WWOX: variants seen among roughly 807,000 people sequenced by gnomAD.
WWOX encodes WW domain containing oxidoreductase.
In WWOX, 69 loss-of-function variants were observed where a neutral mutation model predicts 46.2. The observed-to-expected ratio is 1.49, with a 90% CI of 1.23 to 1.82. The LOEUF (loss-of-function observed/expected upper bound fraction) is 1.82, where lower values mean the gene tolerates loss of function less well. Ranked by LOEUF, WWOX falls within the 40% of genes most tolerant of loss-of-function variation. WWOX has a pLI of 0.00. For synonymous variants in WWOX, 359 were observed against 202.6 expected (o/e 1.77, Z -6.56); for missense variants, 919 against 542.6 (o/e 1.69, Z -6.89).
chr16:78,447,682 A>G (rs1276472773), intron 8 of WWOX, among the ~76,000 whole-genome samples: 1 of 152,258 alleles, frequency 6.6e-6, no homozygotes, highest in Non-Finnish European at 1.5e-5. Flanking sequence ...GAAACCATGC[A>G]GGATTCCATT....
At chr16:78,584,649 A>T (rs536604849) in intron 8 of WWOX, among the ~76,000 whole-genome samples, 246 of 152,310 alleles carry the variant, frequency 1.6e-3, no homozygotes, top group African/African-American at 5.8e-3. Flanking sequence ...GTTCTATGAT[A>T]CCACTTGTGT....
chr16:78,681,854 G>A (rs759552978), intron 8 of WWOX, among the ~76,000 whole-genome samples: 4 of 152,184 alleles, frequency 2.6e-5, no homozygotes, highest in Non-Finnish European at 5.9e-5. Context: ...AGACTCCGCT[G>A]GAGAGCTGGT....
chr16:78,986,936 C>T (rs528292265), intron 8 of WWOX, among the ~76,000 whole-genome samples: 7 of 152,148 alleles, frequency 4.6e-5, no homozygotes, highest in Admixed American at 2.0e-4. Context: ...ATTTCAAGGT[C>T]ATGCTACAAA....
chr16:79,091,775 C>CTTTTTTTTTTTT (rs771753213), intron 8 of WWOX, among the ~76,000 whole-genome samples: 8 of 126,846 alleles, frequency 6.3e-5, no homozygotes, highest in Non-Finnish European at 8.1e-5. Flanking sequence ...CTTTTCTTTT[C>CTTTTTTTTTTTT]TTTGTTTTTT....
intron 8 of WWOX, among the ~76,000 whole-genome samples, chr16:78,627,826 A>G (rs957019136): frequency 7.9e-5 from 12 of 152,222 alleles, no homozygotes; most frequent in Non-Finnish European, 1.8e-4. Context: ...CTCTGACAAG[A>G]TGATGCCGAC....
intron 8 of WWOX, among the ~76,000 whole-genome samples, chr16:78,464,607 C>T (rs1478989155): frequency 6.6e-6 from 1 of 152,162 alleles, no homozygotes; most frequent in African/African-American, 2.4e-5. Flanking sequence ...ATGTCAGAAG[C>T]AAGTCAGGAT....
chr16:79,123,602 G>A (rs1194549987), intron 8 of WWOX, among the ~76,000 whole-genome samples: 1 of 152,088 alleles, frequency 6.6e-6, no homozygotes, highest in Non-Finnish European at 1.5e-5. Context: ...ACAGGCAGTA[G>A]TAGAGCCAGC....
At chr16:78,645,971 G>T (rs1036916374) in intron 8 of WWOX, among the ~76,000 whole-genome samples, 10 of 151,958 alleles carry the variant, frequency 6.6e-5, no homozygotes, top group African/African-American at 2.4e-4. Context: ...TCTGTCCCTG[G>T]CTCTGCTCCT....
intron 8 of WWOX, among the ~76,000 whole-genome samples, chr16:79,071,971 C>T (rs889061262): frequency 4.6e-5 from 7 of 152,134 alleles, no homozygotes; most frequent in African/African-American, 1.7e-4. Flanking sequence ...TTTACTCGTT[C>T]TTTTTTGTAT....
chr16:78,978,283 A>T (rs1000449688), intron 8 of WWOX, among the ~76,000 whole-genome samples: 11 of 152,226 alleles, frequency 7.2e-5, no homozygotes, highest in African/African-American at 2.7e-4. Flanking sequence ...TGCTCTTGTG[A>T]ATCCATGCTG....
At chr16:78,671,288 G>A (rs2142203568) in intron 8 of WWOX, among the ~76,000 whole-genome samples, 1 of 152,240 alleles carries the variant, frequency 6.6e-6, no homozygotes, top group Non-Finnish European at 1.5e-5. Flanking sequence ...AGCCGGGTGT[G>A]GTGGGGCATG....
chr16:78,495,461 G>T (rs1359379417), intron 8 of WWOX, among the ~76,000 whole-genome samples: 1 of 148,546 alleles, frequency 6.7e-6, no homozygotes, highest in African/African-American at 2.5e-5. Flanking sequence ...TTTTGATAGG[G>T]TTTTTTTTCT....
At chr16:78,555,776 T>C (rs1203921399) in intron 8 of WWOX, among the ~76,000 whole-genome samples, 1 of 152,084 alleles carries the variant, frequency 6.6e-6, no homozygotes, top group Non-Finnish European at 1.5e-5. Context: ...AAGCCTCTTG[T>C]TTGACTTTGC....
chr16:79,208,381 C>CA (rs5818213), intron 8 of WWOX, among the ~76,000 whole-genome samples: 68,897 of 149,034 alleles, frequency 0.46, 16,749 homozygotes, highest in Non-Finnish European at 0.56. Context: ...GATTGATTCT[C>CA]AAAAAAAAAA....
chr16:78,660,993 G>C (rs1243204756), intron 8 of WWOX, among the ~76,000 whole-genome samples: 2 of 152,118 alleles, frequency 1.3e-5, no homozygotes, highest in Non-Finnish European at 2.9e-5. Context: ...TATAGACATT[G>C]AAGTTAGATC....
chr16:78,972,053 G>A (rs1567449568), intron 8 of WWOX, among the ~76,000 whole-genome samples: 1 of 152,110 alleles, frequency 6.6e-6, no homozygotes, highest in Admixed American at 6.5e-5. Flanking sequence ...AGAAGACCCT[G>A]ATCTGCCGGA....
chr16:78,722,739 G>A (rs1567515683), intron 8 of WWOX, among the ~76,000 whole-genome samples: 1 of 144,734 alleles, frequency 6.9e-6, no homozygotes, highest in Non-Finnish European at 1.5e-5. Context: ...ATAAACAAAG[G>A]AATAGAAGAT....
intron 8 of WWOX, among the ~76,000 whole-genome samples, chr16:78,606,681 A>G (rs1409757219): frequency 1.3e-5 from 2 of 149,558 alleles, no homozygotes; most frequent in Non-Finnish European, 3.0e-5. Context: ...AGCCAGCCCG[A>G]TTAGGACGAC....
intron 8 of WWOX, among the ~76,000 whole-genome samples, chr16:78,441,402 C>G (rs1346353476): frequency 6.6e-6 from 1 of 152,188 alleles, no homozygotes; most frequent in African/African-American, 2.4e-5. Context: ...ATTTATCCCT[C>G]TGAGGTAGGC....
Sources: gnomAD v4.1 joint callset for allele counts (sites outside exome capture counted in the v4.1 genomes callset) on GRCh38, gnomAD v4.1.1 for gene constraint, MANE v1.5 for transcripts, NCBI Gene and HGNC (gene_info 2026-07-23, HGNC 2026-07-21) for gene names.